Variants in SPMIP4 observed in about 807,000 individuals in gnomAD.
The protein encoded by SPMIP4 is sperm-associated microtubule inner protein 4.
chr7:25,154,288 C>G, the SPMIP4 span, among the ~76,000 whole-genome samples: 1 of 152,186 alleles, frequency 6.6e-6, no homozygotes, highest in African/African-American at 2.4e-5. Context: ...TTCTACCTCA[C>G]CTAAATGCAC....
the SPMIP4 span, among the ~76,000 whole-genome samples, chr7:25,141,000 G>A: frequency 1.3e-5 from 2 of 151,998 alleles, no homozygotes; most frequent in East Asian, 1.9e-4. Context: ...ATTTGTAGTC[G>A]TCGAGAATAA....
the SPMIP4 span, chr7:25,168,153 T>C: frequency 4.2e-6 from 3 of 708,434 alleles, no homozygotes; most frequent in Non-Finnish European, 4.5e-6. Context: ...GAAATTAATT[T>C]TTCATTCTGT....
the SPMIP4 span, among the ~76,000 whole-genome samples, chr7:25,166,233 C>CTTTTTTTTT: frequency 0.087 from 11,429 of 131,050 alleles, 1,081 homozygotes; most frequent in Non-Finnish European, 0.12. Flanking sequence ...TTTCCGTCTT[C>CTTTTTTTTT]TTTTTTTTTT....
At chr7:25,132,262 A>G in the SPMIP4 span, among the ~76,000 whole-genome samples, 1 of 152,188 alleles carries the variant, frequency 6.6e-6, no homozygotes, top group Non-Finnish European at 1.5e-5. The surrounding 1 kb of genome is among the most constrained non-coding windows in gnomAD (Gnocchi z 5.0). Flanking sequence ...GGTGTGAGCT[A>G]AGTTGCAAGC....
the SPMIP4 span, among the ~76,000 whole-genome samples, chr7:25,144,650 T>G: frequency 4.6e-5 from 7 of 152,182 alleles, no homozygotes; most frequent in Admixed American, 4.6e-4. Flanking sequence ...CAGAGGAGCA[T>G]GGGCTCCAGA....
chr7:25,151,801 T>C, the SPMIP4 span: 1 of 573,598 alleles, frequency 1.7e-6, no homozygotes, highest in African/African-American at 1.9e-5. Flanking sequence ...ATTTTACCTA[T>C]GTAGTTACAG....
chr7:25,162,249 C>A, the SPMIP4 span, among the ~76,000 whole-genome samples: 6 of 133,084 alleles, frequency 4.5e-5, no homozygotes, highest in South Asian at 2.3e-4. Context: ...CCAGCCTGGG[C>A]AACAGAGTGA....
the SPMIP4 span, among the ~76,000 whole-genome samples, chr7:25,168,939 C>T: frequency 1.5e-4 from 22 of 151,658 alleles, no homozygotes; most frequent in Admixed American, 3.3e-4. Context: ...GTCGGCCAGG[C>T]TGGTCTCGAA....
the SPMIP4 span, among the ~76,000 whole-genome samples, chr7:25,143,634 C>G: frequency 6.8e-6 from 1 of 147,268 alleles, no homozygotes; most frequent in Non-Finnish European, 1.5e-5. Flanking sequence ...CCCTGCCACC[C>G]AGGCTGGAGT....
the SPMIP4 span, among the ~76,000 whole-genome samples, chr7:25,160,081 T>C: frequency 1.3e-5 from 2 of 152,210 alleles, no homozygotes; most frequent in Admixed American, 1.3e-4. Context: ...GAGACACCTC[T>C]TCCTTGACCT....
the SPMIP4 span, among the ~76,000 whole-genome samples, chr7:25,166,087 A>G: frequency 6.6e-6 from 1 of 152,174 alleles, no homozygotes; most frequent in Non-Finnish European, 1.5e-5. Flanking sequence ...AGAGGTGTCC[A>G]GTTAAAGAGG....
chr7:25,159,497 C>G, the SPMIP4 span, among the ~76,000 whole-genome samples: 1 of 152,100 alleles, frequency 6.6e-6, no homozygotes, highest in Non-Finnish European at 1.5e-5. Context: ...TCAGCCTATG[C>G]AAATAAAATT....
the SPMIP4 span, chr7:25,142,600 T>C: frequency 1.3e-6 from 2 of 1,534,146 alleles, no homozygotes. Flanking sequence ...AATATTCCAA[T>C]TTTGTTCTAA....
the SPMIP4 span, among the ~76,000 whole-genome samples, chr7:25,171,341 T>C: frequency 6.6e-6 from 1 of 152,180 alleles, no homozygotes; most frequent in Admixed American, 6.5e-5. Context: ...AGCACTCAAA[T>C]AATACTATTG....
At chr7:25,169,631 C>T in the SPMIP4 span, among the ~76,000 whole-genome samples, 2 of 152,076 alleles carry the variant, frequency 1.3e-5, no homozygotes, top group African/African-American at 2.4e-5. Context: ...AGTGCAATGG[C>T]GTGATCTTGG....
At chr7:25,125,877 C>G in the SPMIP4 span, 1 of 982,676 alleles carries the variant, frequency 1.0e-6, no homozygotes, top group East Asian at 1.1e-4. Flanking sequence ...TCCACCTATA[C>G]TCTGTTACTT....
chr7:25,178,598 G>A, the SPMIP4 span, among the ~76,000 whole-genome samples: 1 of 152,140 alleles, frequency 6.6e-6, no homozygotes, highest in Non-Finnish European at 1.5e-5. Flanking sequence ...TCCCAATGAA[G>A]GAACGGACCA....
the SPMIP4 span, among the ~76,000 whole-genome samples, chr7:25,137,638 G>A: frequency 2.0e-5 from 3 of 152,108 alleles, no homozygotes; most frequent in Non-Finnish European, 4.4e-5. Context: ...GGCTTGTAGA[G>A]GCATGACCCC....
the SPMIP4 span, among the ~76,000 whole-genome samples, chr7:25,167,038 T>G: frequency 6.6e-6 from 1 of 152,274 alleles, no homozygotes; most frequent in African/African-American, 2.4e-5. Context: ...AGTCTTTGGC[T>G]TTCTTTTTAC....
Sources: allele counts gnomAD v4.1 joint callset (sites outside exome capture counted in the v4.1 genomes callset), GRCh38; gene constraint gnomAD v4.1.1; non-coding constraint Gnocchi (gnomAD v3.1); transcripts MANE v1.5; gene names NCBI Gene and HGNC (gene_info 2026-07-23, HGNC 2026-07-21).